The following MARK1 variants were observed in gnomAD, a reference collection of about 807,000 sequenced individuals.
The protein encoded by MARK1 is microtubule affinity regulating kinase 1.
Under a neutral mutation model 96.3 loss-of-function variants are expected in MARK1, and 40 were observed. The ratio of observed to expected loss-of-function variants is 0.42; its 90% CI spans 0.32 to 0.54. The LOEUF (loss-of-function observed/expected upper bound fraction) is 0.54. Among genes scored for constraint, MARK1 ranks in the 20% least tolerant of loss-of-function variants. The pLI is 0.16. For missense variants in MARK1, 719 were observed against 984.6 expected (o/e 0.73, Z 3.61); for synonymous variants, 317 against 341.2 (o/e 0.93, Z 0.78).
intron 1 of MARK1, 86 bp from the exon 2 acceptor site, chr1:220,579,268 G>C (rs1266371287): frequency 2.3e-6 from 2 of 885,042 alleles, no homozygotes; most frequent in Admixed American, 4.7e-5. Context: ...TTGAAGAATT[G>C]GTAATAATAA....
chr1:220,599,347 T>G (rs1362067403), intron 4 of MARK1, among the ~76,000 whole-genome samples: 2 of 152,098 alleles, frequency 1.3e-5, no homozygotes, highest in Admixed American at 6.5e-5. Context: ...CTACATAAAT[T>G]TGATAATTTG....
chr1:220,661,202 G>A (rs1403169205), intron 17 of MARK1, among the ~76,000 whole-genome samples: 1 of 152,126 alleles, frequency 6.6e-6, no homozygotes, highest in Admixed American at 6.5e-5. Flanking sequence ...ATGGGATTGG[G>A]GGTAGTAGGA....
At chr1:220,565,152 A>G (rs1033998386) in intron 1 of MARK1, among the ~76,000 whole-genome samples, 1 of 152,230 alleles carries the variant, frequency 6.6e-6, no homozygotes, top group African/African-American at 2.4e-5. Flanking sequence ...GATGTGAAAA[A>G]TGAGCAGAGC....
chr1:220,628,256 A>C (rs1435873648), intron 9 of MARK1, among the ~76,000 whole-genome samples: 1 of 152,108 alleles, frequency 6.6e-6, no homozygotes, highest in African/African-American at 2.4e-5. Context: ...TACATACGTG[A>C]ATCTCTTCCA....
Position 220,657,849 on chromosome 1 carries a change from T to C in MARK1, c.2033+15T>C. 6.5e-7 allele frequency: 1 copy of C among 1,535,972 alleles called. No homozygotes were observed. Among genetic ancestry groups the C allele is most frequent in the African/African-American group, 1.4e-5 (1 of 71,028 alleles). ...GACACCTCAAGGTGAGGAGCCACTA[T>C]TAATACTTCGCTGCTAGGTCCCTGT... On this transcript the variant is annotated intron_variant, in intron 17 of 17. Coordinates refer to ENST00000366917, the MANE Select transcript of MARK1 (RefSeq NM_018650.5).
intron 3 of MARK1, among the ~76,000 whole-genome samples, chr1:220,592,328 A>C (rs1665052703): frequency 6.6e-6 from 1 of 151,772 alleles, no homozygotes; most frequent in Non-Finnish European, 1.5e-5. Context: ...AAGAAAGTAA[A>C]TAGCCATGTT....
chr1:220,661,841 A>G lies in MARK1; in HGVS notation c.2063A>G (p.Asp688Gly). The G allele has an allele frequency of 6.2e-7, 1 of 1,611,842 alleles. No individual in the cohort carries two copies. Among genetic ancestry groups the G allele is most frequent in the Non-Finnish European group, 8.5e-7 (1 of 1,178,590 alleles). Residue 688 changes from aspartate to glycine, a missense_variant, in exon 18 of 18, where the codon GAC becomes GGC. Coordinates refer to ENST00000366917, the MANE Select transcript of MARK1 (RefSeq NM_018650.5). Reference protein sequence around the residue: ...RSTSGEPKERDKEEGKDSKPR... With the variant: ...RSTSGEPKERGKEEGKDSKPR... ...ACATCAGGGGAACCAAAAGAAAGAG[A>G]CAAGGAAGAGGGTAAAGATTCTAAG... is the stretch of plus-strand genomic sequence containing the variant.
chr1:220,561,804 G>A (rs531795181), intron 1 of MARK1, among the ~76,000 whole-genome samples: 5 of 152,310 alleles, frequency 3.3e-5, no homozygotes, highest in Non-Finnish European at 7.3e-5. Flanking sequence ...TGGCCAGGGA[G>A]CTGTTGTGTT....
intron 1 of MARK1, among the ~76,000 whole-genome samples, chr1:220,560,511 C>T (rs907240664): frequency 1.3e-5 from 2 of 152,266 alleles, no homozygotes; most frequent in African/African-American, 4.8e-5. Flanking sequence ...GCATCACTGC[C>T]CTTGCACTTG....
intron 3 of MARK1, among the ~76,000 whole-genome samples, chr1:220,585,698 A>C (rs1037357342): frequency 2.6e-5 from 4 of 152,218 alleles, no homozygotes; most frequent in African/African-American, 9.6e-5. Flanking sequence ...AGTAAGCTCA[A>C]CAACCTAGAA....
intron 3 of MARK1, among the ~76,000 whole-genome samples, chr1:220,587,257 T>TTTCC (rs549672915): frequency 6.6e-6 from 1 of 151,812 alleles, no homozygotes; most frequent in African/African-American, 2.4e-5. Context: ...TAGTCTCTCC[T>TTTCC]TTCCTTCCTT....
chr1:220,560,132 A>G (rs1317617421), intron 1 of MARK1, among the ~76,000 whole-genome samples: 1 of 152,056 alleles, frequency 6.6e-6, no homozygotes, highest in Non-Finnish European at 1.5e-5. Flanking sequence ...ATCAGATCTC[A>G]TGAGACTTAT....
chr1:220,647,656 A>G (rs889657419), intron 13 of MARK1, among the ~76,000 whole-genome samples: 4 of 152,232 alleles, frequency 2.6e-5, no homozygotes, highest in African/African-American at 4.8e-5. Flanking sequence ...ATGCCCATCA[A>G]TGATAGACTG....
rs573329644 is a variant in MARK1, at chr1:220,650,151, A to T, written c.1471-469A>T. Among the ~76,000 whole-genome samples the T allele has an allele frequency of 2.0e-5, 3 of 152,276 alleles. No homozygotes were observed. In the East Asian group the frequency reaches 5.8e-4, roughly 29 times the overall value. ...TCCTGGGGCATTTAGTCTGCTTAAT[A>T]TTCCTGGTGGTTGAGAGAGTTTCCC... On this transcript the variant is annotated intron_variant, in intron 13 of 17. Coordinates refer to ENST00000366917, the MANE Select transcript of MARK1 (RefSeq NM_018650.5).
chr1:220,552,053 G>A (rs900072123), intron 1 of MARK1, among the ~76,000 whole-genome samples: 1 of 152,180 alleles, frequency 6.6e-6, no homozygotes, highest in African/African-American at 2.4e-5. Context: ...GATATAGTCC[G>A]TCTTACAGAC....
At chr1:220,642,706 C>A (rs1272243229) in intron 13 of MARK1, among the ~76,000 whole-genome samples, 1 of 152,182 alleles carries the variant, frequency 6.6e-6, no homozygotes. Flanking sequence ...GTAGACAACT[C>A]ATATGGGAGA....
chr1:220,593,162 A>ATAT (rs1665108866), intron 3 of MARK1, among the ~76,000 whole-genome samples: 1 of 152,150 alleles, frequency 6.6e-6, no homozygotes, highest in Non-Finnish European at 1.5e-5. Context: ...TTTAAAATCT[A>ATAT]TATCTTATAG....
At chr1:220,635,324 CTTTTTTT>C in intron 11 of MARK1, 45 bp from the exon 12 acceptor site, 19 of 1,154,172 alleles carry the variant, frequency 1.6e-5, no homozygotes, top group South Asian at 5.5e-5. Flanking sequence ...TTTGTGCAAA[CTTTTTTT>C]TTTTTTTTTT....
At chr1:220,554,968 T>A (rs1662146629) in intron 1 of MARK1, among the ~76,000 whole-genome samples, 1 of 152,234 alleles carries the variant, frequency 6.6e-6, no homozygotes, top group Admixed American at 6.5e-5. Context: ...GGCTTCCACT[T>A]GTCCTTTCCC....
Sources: allele counts gnomAD v4.1 joint callset (sites outside exome capture counted in the v4.1 genomes callset), GRCh38; gene constraint gnomAD v4.1.1; transcripts MANE v1.5; gene names NCBI Gene and HGNC (gene_info 2026-07-23, HGNC 2026-07-21).